The following CCDC144A variants were observed in gnomAD, a reference collection of about 807,000 sequenced individuals.
The protein encoded by CCDC144A is coiled-coil domain-containing protein 144A.
Under a neutral mutation model 143.8 loss-of-function variants are expected in CCDC144A, and 41 were observed. That is an observed-to-expected ratio of 0.29 (90% CI 0.22 to 0.37). CCDC144A has a LOEUF of 0.37. Among genes scored for constraint, CCDC144A ranks in the 10% least tolerant of loss-of-function variants. The pLI, the probability that CCDC144A is intolerant of heterozygous loss-of-function variation, is 1.00. For missense variants in CCDC144A, 637 were observed against 1,488.8 expected (o/e 0.43, Z 9.41); for synonymous variants, 242 against 517.9 (o/e 0.47, Z 7.23).
intron 3 of CCDC144A, 34 bp from the exon 4 acceptor site, chr17:16,707,435 C>T (rs1250500142): frequency 1.5e-6 from 2 of 1,362,478 alleles, no homozygotes; most frequent in African/African-American, 2.9e-5. Context: ...TCTAACTGTT[C>T]TAAGTAGTTT....
intron 6 of CCDC144A, 70 bp downstream of exon 6, chr17:16,711,885 A>G (rs1597547578): frequency 6.5e-7 from 1 of 1,537,326 alleles, no homozygotes; most frequent in South Asian, 1.2e-5. Flanking sequence ...TAATCCAGCA[A>G]TTTGGGAGGC....
At chr17:16,746,065 G>A in intron 12 of CCDC144A, 1 of 1,608,904 alleles carries the variant, frequency 6.2e-7, no homozygotes, top group Non-Finnish European at 8.5e-7. Context: ...GTCTCCTGGG[G>A]CTCCTTCAGC....
At chr17:16,725,890 C>CT (rs1277321141) in intron 8 of CCDC144A, among the ~76,000 whole-genome samples, 4 of 150,912 alleles carry the variant, frequency 2.7e-5, no homozygotes, top group Non-Finnish European at 5.9e-5. Context: ...TTTGGCCATT[C>CT]TTTTTTTATT....
At chr17:16,699,955 G>A (rs1219928076) in intron 2 of CCDC144A, among the ~76,000 whole-genome samples, 2 of 151,994 alleles carry the variant, frequency 1.3e-5, no homozygotes, top group Non-Finnish European at 2.9e-5. Flanking sequence ...AAGGTATTCT[G>A]TGAAATTACC....
chr17:16,720,290 T>A, intron 7 of CCDC144A, 59 bp downstream of exon 7: 1 of 1,512,592 alleles, frequency 6.6e-7, no homozygotes, highest in Non-Finnish European at 8.8e-7. Context: ...TTCTAAAAGG[T>A]AAAAATGAAA....
intron 2 of CCDC144A, among the ~76,000 whole-genome samples, chr17:16,704,891 T>A (rs3101953): frequency 0.28 from 42,842 of 151,506 alleles, 6,976 homozygotes; most frequent in African/African-American, 0.46. Context: ...AAAATATGTA[T>A]TAGAGACTCC....
At chr17:16,749,856 C>CT (rs1037835495) in intron 12 of CCDC144A, among the ~76,000 whole-genome samples, 1 of 152,084 alleles carries the variant, frequency 6.6e-6, no homozygotes, top group African/African-American at 2.4e-5. Context: ...CTTCTTCATC[C>CT]TTTTTTGGCT....
In CCDC144A at chr17:16,720,288, G is replaced by T. The variant is rs1353820670; in HGVS notation, c.1749+57G>T. The T allele has an allele frequency of 2.6e-6, 4 of 1,510,232 alleles. No individual in the cohort carries two copies. The African/African-American group carries it at 5.7e-5, about 22-fold the overall frequency. 93.6% of individuals were successfully genotyped at this position (1,510,232 alleles called of 1,614,324 possible). On this transcript the variant is annotated intron_variant, in intron 7 of 16. Coordinates refer to ENST00000399273, the MANE Select transcript of CCDC144A (RefSeq NM_001382000.1). The stretch of plus-strand genomic sequence containing the variant: ...TGTTTTTAAAAAACAAGTTCTAAAA[G>T]GTAAAAATGAAAAAAATAAGATGTT...
chr17:16,693,516 C>T (rs937480589), intron 2 of CCDC144A, among the ~76,000 whole-genome samples: 3 of 152,092 alleles, frequency 2.0e-5, no homozygotes, highest in Admixed American at 6.5e-5. Flanking sequence ...GGGGTTTCAC[C>T]GTGTTAGCCA....
chr17:16,711,155 A>AAAAC, intron 5 of CCDC144A, among the ~76,000 whole-genome samples: 2 of 143,370 alleles, frequency 1.4e-5, no homozygotes, highest in African/African-American at 2.6e-5. Context: ...AAAAAAAAAA[A>AAAAC]AAACAAAAGT....
At chr17:16,690,049 A>G (rs1202398320), upstream of CCDC144A, 1 of 175,036 alleles carries the variant, frequency 5.7e-6, no homozygotes. Context: ...TTTTTCTGGG[A>G]GGCTGGAGCT....
chr17:16,743,003 C>T (rs1426513574), intron 12 of CCDC144A, among the ~76,000 whole-genome samples: 2 of 152,108 alleles, frequency 1.3e-5, no homozygotes, highest in East Asian at 3.9e-4. Context: ...ATATTTTCTC[C>T]CAGTCTACAA....
rs377644409 is a variant in CCDC144A at position 16,764,205 on chromosome 17, G to C, written c.4098+30G>C. The C allele has an allele frequency of 5.7e-6, 9 of 1,582,724 alleles. No homozygotes were observed. The East Asian group carries it at 1.2e-4, about 21-fold the overall frequency. On this transcript the variant is annotated intron_variant, in intron 15 of 16. Coordinates refer to ENST00000399273, the MANE Select transcript of CCDC144A (RefSeq NM_001382000.1). ...GCTATCTTTTTTCCTTCGGCGTTCA[G>C]ATTTCTGATAGAATTCTTGTATGTT...
the CCDC144A span, chr17:16,684,203 C>G: frequency 1.0e-6 from 1 of 955,084 alleles, no homozygotes; most frequent in African/African-American, 1.6e-5. Flanking sequence ...ACTGGAGAGG[C>G]TGACCCAGGG....
intron 9 of CCDC144A, 65 bp downstream of exon 9, chr17:16,727,805 G>T: frequency 6.6e-7 from 1 of 1,523,736 alleles, no homozygotes; most frequent in Non-Finnish European, 8.9e-7. Context: ...TTTTGTAACT[G>T]CTGACTTACC....
At chr17:16,676,524 A>C in the CCDC144A span, among the ~76,000 whole-genome samples, 1 of 151,836 alleles carries the variant, frequency 6.6e-6, no homozygotes, top group Non-Finnish European at 1.5e-5. Flanking sequence ...AAAAAAAAAA[A>C]AACACAAAAA....
At chr17:16,680,323 G>C in the CCDC144A span, among the ~76,000 whole-genome samples, 1 of 152,066 alleles carries the variant, frequency 6.6e-6, no homozygotes, top group Non-Finnish European at 1.5e-5. Context: ...AGTTACTTAA[G>C]AGGCTGAGAT....
Position 16,690,294 on chromosome 17 carries a change from GTGA to G in CCDC144A, c.-105_-103del. 1.2e-6 allele frequency: 1 copy of G among 846,320 alleles called. No homozygotes were observed. Among genetic ancestry groups the G allele is most frequent in the Non-Finnish European group, 1.8e-6 (1 of 558,780 alleles). 52.4% of individuals were successfully genotyped at this position (846,320 alleles called of 1,614,324 possible). A position where few individuals can be genotyped will look rare whatever the true frequency, so the allele number is the denominator to read the frequency against. On this transcript the variant is annotated 5_prime_UTR_variant, in exon 1 of 17. Transcript: ENST00000399273. ...GGTGGTCGCTTGGCTTGGCGTGGCAGTGATCGCTTGGCTTGGCATTTCTGGCTT... is the reference window on the plus strand; with the variant it reads ...GGTGGTCGCTTGGCTTGGCGTGGCAGTCGCTTGGCTTGGCATTTCTGGCTT...
At chr17:16,678,651 G>A in the CCDC144A span, among the ~76,000 whole-genome samples, 4 of 146,722 alleles carry the variant, frequency 2.7e-5, no homozygotes, top group Admixed American at 2.1e-4. Flanking sequence ...TGTGATCACA[G>A]CTCACTGCAG....
Sources: gnomAD v4.1 joint callset for allele counts (sites outside exome capture counted in the v4.1 genomes callset) on GRCh38, gnomAD v4.1.1 for gene constraint, MANE v1.5 for transcripts, NCBI Gene and HGNC (gene_info 2026-07-23, HGNC 2026-07-21) for gene names.